The following FAM186B variants were observed in gnomAD, a reference collection of about 807,000 sequenced individuals.
FAM186B encodes the protein family with sequence similarity 186 member B.
A neutral mutation model predicts 83.4 loss-of-function variants in FAM186B; 68 were observed. The observed-to-expected ratio is 0.81, with a 90% CI of 0.67 to 1.00. The LOEUF (loss-of-function observed/expected upper bound fraction) is 1.00. Ranked by LOEUF, FAM186B falls within the 50% of genes least tolerant of loss-of-function variation. The probability of loss-of-function intolerance (pLI) is 0.00; values close to 1 mark genes in which losing one functional copy is unlikely to be tolerated. For missense variants in FAM186B, 983 were observed against 1,099.2 expected (o/e 0.89, Z 1.49); for synonymous variants, 389 against 422.0 (o/e 0.92, Z 0.96).
chr12:49,619,574 C>G, the FAM186B span: 1 of 655,772 alleles, frequency 1.5e-6, no homozygotes, highest in South Asian at 1.5e-5. Flanking sequence ...TATGGGCTAT[C>G]ATTCCATGTA....
chr12:49,587,900 C>T, intron 6 of FAM186B, 148 bp from the exon 7 acceptor site: 1 of 897,280 alleles, frequency 1.1e-6, no homozygotes, highest in Non-Finnish European at 1.7e-6. Flanking sequence ...TCCCCTCCAA[C>T]ACTGAGTCTG....
chr12:49,605,800 C>T (rs1241528290), upstream of FAM186B, among the ~76,000 whole-genome samples: 2 of 144,370 alleles, frequency 1.4e-5, no homozygotes, highest in Non-Finnish European at 3.0e-5. Flanking sequence ...CCCTCTGTAG[C>T]CCAGGCTGGA....
In FAM186B at chr12:49,601,050, T is replaced by C. The variant is rs771950126; in HGVS notation, c.590A>G (p.Gln197Arg). 16 of 1,613,258 alleles carry C rather than the reference T, an allele frequency of 9.9e-6. No individual in the cohort carries two copies. The Admixed American group carries it at 2.7e-4, about 27-fold the overall frequency. ...CATGGTATGCTGGTCCTGGAGCATC[T>C]GTTCTGGGCTTAGTGGCTGAGGATG... ...PSHPQPLSPEQMLQDQHTMNT... is the reference protein window; with the variant it reads ...PSHPQPLSPERMLQDQHTMNT... The change falls in exon 4 of 7, where the codon CAG becomes CGG. Residue 197 changes from glutamine (Q) to arginine (R), a missense_variant. Physicochemically the swap from Gln to Arg is conservative, Grantham distance 43. Transcript: ENST00000257894.
chr12:49,592,332 C>T (rs754325199), intron 5 of FAM186B, among the ~76,000 whole-genome samples: 3 of 151,716 alleles, frequency 2.0e-5, no homozygotes, highest in South Asian at 2.1e-4. Flanking sequence ...ATTAGCTGGG[C>T]GTGGTGGTGT....
chr12:49,593,632 C>CAAAAAAAAAA (rs34152009), intron 5 of FAM186B, among the ~76,000 whole-genome samples: 1 of 86,368 alleles, frequency 1.2e-5, no homozygotes, highest in Middle Eastern at 7.6e-3. Context: ...GACTCCATCT[C>CAAAAAAAAAA]AAAAAAAAAA....
intron 2 of FAM186B, 25 bp from the exon 3 acceptor site, chr12:49,603,392 G>A: frequency 1.9e-6 from 3 of 1,612,736 alleles, no homozygotes; most frequent in Non-Finnish European, 2.5e-6. Flanking sequence ...GGAGGTGCAG[G>A]CTGAGAGCAG....
At chr12:49,584,947 G>A (rs1385237767), downstream of FAM186B, among the ~76,000 whole-genome samples, 1 of 151,822 alleles carries the variant, frequency 6.6e-6, no homozygotes, top group Admixed American at 6.6e-5. Flanking sequence ...GTCGTCTCCA[G>A]CATGTTAGAT....
chr12:49,613,222 G>C, the FAM186B span, among the ~76,000 whole-genome samples: 1 of 152,114 alleles, frequency 6.6e-6, no homozygotes, highest in East Asian at 1.9e-4. Flanking sequence ...AGCACTAAAT[G>C]CCTACCTCAA....
In FAM186B at chr12:49,601,109, G is replaced by A. The variant is rs1162799917; in HGVS notation, c.531C>T (p.Gly177=). Residue 177 remains glycine, a synonymous_variant, in exon 4 of 7, where the codon GGC becomes GGT. Coordinates refer to ENST00000257894, the MANE Select transcript of FAM186B (RefSeq NM_032130.3). ...ATGTCTGTGGGCTTCTTCCCTGCCAGCCCTGCCAGAAGGTGCGTTTGGACA... is the reference window on the plus strand; with the variant it reads ...ATGTCTGTGGGCTTCTTCCCTGCCAACCCTGCCAGAAGGTGCGTTTGGACA... ...SQVSKRTFWQ[G]WQGRSPQTSP... is the part of the protein sequence containing the mutation. 6.4e-7 allele frequency: 1 copy of A among 1,573,842 alleles called. No individual in the cohort carries two copies. Among genetic ancestry groups the A allele is most frequent in the Non-Finnish European group, 8.6e-7 (1 of 1,158,036 alleles).
At chr12:49,607,500 G>A (rs531669838), upstream of FAM186B, among the ~76,000 whole-genome samples, 2 of 151,878 alleles carry the variant, frequency 1.3e-5, no homozygotes, top group South Asian at 2.1e-4. Flanking sequence ...TTGAATATCC[G>A]TAAATCTACT....
rs777945294 is a variant in FAM186B at position 49,599,750 on chromosome 12, C to A, written c.1890G>T (p.Lys630Asn). 3.7e-6 allele frequency: 6 copies of A among 1,614,004 alleles called. No individual in the cohort carries two copies. In the African/African-American group the frequency reaches 8.0e-5, roughly 22 times the overall value. Residue 630 changes from lysine (K) to asparagine (N), a missense_variant, in exon 4 of 7, where the codon AAG (lysine) becomes AAT (asparagine). By Grantham distance (94) the Lys-to-Asn change is moderately conservative (BLOSUM62 0). Coordinates refer to ENST00000257894, the MANE Select transcript of FAM186B (RefSeq NM_032130.3). Reference sequence around the variant, plus strand: ...CAGTGACAGGAAAGGAGGCAGATTTCTTGGGCTTTGTGGGAACTCGGCGGG... The same window carrying A: ...CAGTGACAGGAAAGGAGGCAGATTTATTGGGCTTTGTGGGAACTCGGCGGG... ...PRTRRVPTKP[K>N]KSASFPVTGT...
chr12:49,604,472 C>A lies in FAM186B; in HGVS notation c.163G>T (p.Glu55Ter). The A allele has an allele frequency of 6.2e-7, 1 of 1,614,184 alleles. No individual in the cohort carries two copies. The highest frequency in any genetic ancestry group is 1.7e-5 in the Admixed American group (1 of 60,018). ...VNCVINRFQE[E>*]LGYDLKENAK... The stretch of plus-strand genomic sequence containing the variant: ...TTTTCTTTTAAATCATATCCTAATT[C>A]TTCCTGGAAGCGGTTGATGACACAA... The change falls in exon 2 of 7, where the codon GAA (glutamate) becomes TAA (stop). Residue 55 changes from glutamate (E) to a stop codon, truncating the protein, a stop_gained. Coordinates refer to ENST00000257894, the MANE Select transcript of FAM186B (RefSeq NM_032130.3). LOFTEE classifies it high-confidence loss of function.
rs778233709 is a variant in FAM186B, at chr12:49,600,708, T to C, written c.932A>G (p.Lys311Arg). ...GGRYHDLLLM[K>R]QALEFQLKKA... The stretch of plus-strand genomic sequence containing the variant: ...CTTCAGCTGGAACTCCAAGGCCTGC[T>C]TCATCAGGAGAAGGTCATGGTACCT... Residue 311 changes from lysine to arginine, a missense_variant, in exon 4 of 7, where the codon AAG (lysine) becomes AGG (arginine). Lys to Arg is a conservative substitution (Grantham distance 26). Transcript: ENST00000257894. This position sits in a 1 kb window ranked among gnomAD's most constrained non-coding sequence, Gnocchi z 4.3. 18 of 1,614,160 alleles carry C rather than the reference T, an allele frequency of 1.1e-5. No homozygotes were observed. The East Asian group carries it at 4.0e-4, about 36-fold the overall frequency.
downstream of FAM186B, chr12:49,583,117 A>T (rs1939371339): frequency 2.2e-6 from 1 of 455,060 alleles, no homozygotes; most frequent in Admixed American, 2.4e-5. Context: ...AGCCTGTGAA[A>T]ACATGAAACC....
the FAM186B span, chr12:49,619,523 G>A: frequency 2.8e-6 from 2 of 703,458 alleles, no homozygotes; most frequent in Non-Finnish European, 2.6e-6. Flanking sequence ...CCACATGTGT[G>A]TGGCAGCCCA....
At chr12:49,605,921 GC>G (rs1383475476), upstream of FAM186B, among the ~76,000 whole-genome samples, 1 of 151,716 alleles carries the variant, frequency 6.6e-6, no homozygotes, top group Non-Finnish European at 1.5e-5. Flanking sequence ...ACCACGCCTG[GC>G]TAATTTATTT....
chr12:49,606,742 G>T (rs1196105310), upstream of FAM186B, among the ~76,000 whole-genome samples: 2 of 152,096 alleles, frequency 1.3e-5, no homozygotes, highest in African/African-American at 2.4e-5. Flanking sequence ...AAAATAAAAA[G>T]TATAGAGGTT....
At chr12:49,619,849 A>AT in the FAM186B span, among the ~76,000 whole-genome samples, 13 of 145,008 alleles carry the variant, frequency 9.0e-5, no homozygotes, top group South Asian at 2.2e-4. Flanking sequence ...TAATTTTTGT[A>AT]TTTTTTTTTT....
chr12:49,615,646 G>A, the FAM186B span, among the ~76,000 whole-genome samples: 11 of 152,154 alleles, frequency 7.2e-5, no homozygotes, highest in South Asian at 2.1e-4. Flanking sequence ...AAAATTAGCC[G>A]GGTGTGGTGG....
Sources: gnomAD v4.1 joint callset for allele counts (sites outside exome capture counted in the v4.1 genomes callset) on GRCh38, gnomAD v4.1.1 for gene constraint, Gnocchi (gnomAD v3.1) non-coding constraint, MANE v1.5 for transcripts, NCBI Gene and HGNC (gene_info 2026-07-23, HGNC 2026-07-21) for gene names.